Variants in ARHGAP18 observed in about 807,000 individuals in gnomAD.
ARHGAP18 encodes the protein Rho GTPase activating protein 18.
In ARHGAP18, 67 loss-of-function variants were observed where a neutral mutation model predicts 86.2. The ratio of observed to expected loss-of-function variants is 0.78; its 90% CI spans 0.64 to 0.95. The LOEUF is 0.95. ARHGAP18 is among the 40% of genes least tolerant of loss of function. ARHGAP18 has a pLI of 0.00. For synonymous variants in ARHGAP18, 283 were observed against 280.4 expected, an observed-to-expected ratio of 1.01 and a Z score of -0.09; for missense variants, 691 against 780.4, an observed-to-expected ratio of 0.89 and a Z score of 1.37.
intron 10 of ARHGAP18, among the ~76,000 whole-genome samples, chr6:129,602,443 T>G (rs1220191423): frequency 1.3e-5 from 2 of 151,978 alleles, no homozygotes; most frequent in Non-Finnish European, 2.9e-5. Flanking sequence ...CCAAATATAC[T>G]ATACTAAAAT....
chr6:129,678,778 A>G (rs1409747001), intron 1 of ARHGAP18, among the ~76,000 whole-genome samples: 5 of 152,238 alleles, frequency 3.3e-5, no homozygotes, highest in Non-Finnish European at 7.3e-5. Context: ...TAAGATTTAC[A>G]TGTATTCATT....
intron 8 of ARHGAP18, among the ~76,000 whole-genome samples, chr6:129,611,211 G>A (rs1275556153): frequency 3.3e-5 from 5 of 152,060 alleles, no homozygotes; most frequent in African/African-American, 1.2e-4. Flanking sequence ...CCTGACTTCC[G>A]TAAACTCAAT....
intron 7 of ARHGAP18, among the ~76,000 whole-genome samples, chr6:129,612,687 G>A (rs1261820536): frequency 6.6e-6 from 1 of 152,188 alleles, no homozygotes; most frequent in Non-Finnish European, 1.5e-5. Flanking sequence ...CATCATAAAT[G>A]AGGTATTTTG....
chr6:129,695,594 C>A (rs970384523), intron 1 of ARHGAP18, among the ~76,000 whole-genome samples: 2 of 152,202 alleles, frequency 1.3e-5, no homozygotes, highest in South Asian at 2.1e-4. Context: ...GGAGATGACA[C>A]AATTTTCAAT....
rs1734447967 is a variant in ARHGAP18, at chr6:129,625,951, T to A, written c.786+3402A>T. On this transcript the variant is annotated intron_variant, in intron 5 of 14. Coordinates refer to ENST00000368149, the MANE Select transcript of ARHGAP18 (RefSeq NM_033515.3). ...TTATATATTATATATTATATATTTA[T>A]ATATTATATATTTATATATTATATA... 1.5e-4 allele frequency among the ~76,000 whole-genome samples: 4 copies of A among 27,226 alleles called. No homozygotes were observed. The South Asian group carries it at 3.0e-3, about 21-fold the overall frequency. The allele number at this position is 27,226 out of a possible 152,430, so 17.9% of individuals were successfully genotyped here. A position where few individuals can be genotyped will look rare whatever the true frequency, so the allele number is the denominator to read the frequency against.
chr6:129,685,611 T>C (rs1207904764), intron 1 of ARHGAP18, among the ~76,000 whole-genome samples: 2 of 152,236 alleles, frequency 1.3e-5, no homozygotes, highest in Admixed American at 6.5e-5. Flanking sequence ...AGGTTATTGT[T>C]ACATATTTTT....
chr6:129,606,129 C>G (rs1788849389), intron 9 of ARHGAP18, among the ~76,000 whole-genome samples, 170 bp from the exon 10 acceptor site: 1 of 152,172 alleles, frequency 6.6e-6, no homozygotes, highest in Non-Finnish European at 1.5e-5. Flanking sequence ...GGGAGATCAG[C>G]AGAAGCAGCT....
intron 1 of ARHGAP18, among the ~76,000 whole-genome samples, chr6:129,701,561 G>A (rs1398935234): frequency 6.6e-6 from 1 of 152,196 alleles, no homozygotes; most frequent in Non-Finnish European, 1.5e-5. Flanking sequence ...CGTGAGGTCA[G>A]GAGTTCGAGA....
At chr6:129,613,537 A>T (rs1186471524) in intron 7 of ARHGAP18, among the ~76,000 whole-genome samples, 3 of 152,226 alleles carry the variant, frequency 2.0e-5, no homozygotes, top group African/African-American at 4.8e-5. Flanking sequence ...TTTCACTTTC[A>T]TTAAGTACAC....
intron 1 of ARHGAP18, among the ~76,000 whole-genome samples, chr6:129,654,308 C>A (rs1043553858): frequency 1.3e-5 from 2 of 152,146 alleles, no homozygotes; most frequent in African/African-American, 4.8e-5. Context: ...ACAATATGGG[C>A]ATACTGAGCT....
chr6:129,627,442 T>C (rs1231568897), intron 5 of ARHGAP18, among the ~76,000 whole-genome samples: 1 of 152,014 alleles, frequency 6.6e-6, no homozygotes, highest in Non-Finnish European at 1.5e-5. Context: ...ATCACATATC[T>C]GACGTAGTCT....
intron 8 of ARHGAP18, among the ~76,000 whole-genome samples, chr6:129,610,765 T>C (rs1240752326): frequency 4.6e-5 from 7 of 152,228 alleles, no homozygotes; most frequent in Admixed American, 1.3e-4. Context: ...GTAGCTGGGA[T>C]TACAGGTGCC....
chr6:129,657,445 A>G (rs1773862991), intron 1 of ARHGAP18, among the ~76,000 whole-genome samples: 1 of 151,540 alleles, frequency 6.6e-6, no homozygotes, highest in African/African-American at 2.4e-5. Flanking sequence ...AAAAAAAAAA[A>G]CAACTTAATA....
rs143726468 is a variant in ARHGAP18, at chr6:129,683,788, A to T, written c.113+26236T>A. Among the ~76,000 whole-genome samples, 305 of 152,348 alleles carry T rather than the reference A, an allele frequency of 2.0e-3. 1 individual carries two copies. The highest frequency in any genetic ancestry group is 0.01 in the Middle Eastern group (3 of 294). Reference sequence around the variant, plus strand: ...TATCTCTGCCTTGCACAAAGTGGATATGGTGAATGAGAACACCATCAAGAA... The same window carrying T: ...TATCTCTGCCTTGCACAAAGTGGATTTGGTGAATGAGAACACCATCAAGAA... On this transcript the variant is annotated intron_variant, in intron 1 of 14. Coordinates refer to ENST00000368149, the MANE Select transcript of ARHGAP18 (RefSeq NM_033515.3).
Position 129,634,076 on chromosome 6 carries a change from A to G in ARHGAP18, c.582T>C (p.Leu194=). 1.2e-6 allele frequency: 2 copies of G among 1,613,878 alleles called. No homozygotes were observed. Among genetic ancestry groups the G allele is most frequent in the Non-Finnish European group, 1.7e-6 (2 of 1,179,906 alleles). ...CTTGGTATTTGTTTTCATTTGTTCT[A>G]AGTGACTGCGATTCAGTGCCACCTG... ...TAPGGTESQS[L]RTNENKYQGR... Residue 194 remains leucine, a synonymous_variant, in exon 4 of 15, where the codon CTT becomes CTC. Transcript: ENST00000368149.
chr6:129,663,837 A>G lies in ARHGAP18; in HGVS notation c.114-21819T>C, dbSNP rs528288137. ...CCACACGTACTGAAATCTCCTTTGGAAAGAGCTGTTCATACTAAGATTTTA... is the reference window on the plus strand; with the variant it reads ...CCACACGTACTGAAATCTCCTTTGGGAAGAGCTGTTCATACTAAGATTTTA... On this transcript the variant is annotated intron_variant, in intron 1 of 14. Transcript: ENST00000368149. Among the ~76,000 whole-genome samples the G allele has an allele frequency of 1.4e-4, 21 of 152,400 alleles. No homozygotes were observed. The East Asian group carries it at 2.7e-3, about 20-fold the overall frequency.
chr6:129,690,487 A>T (rs928134377), intron 1 of ARHGAP18, among the ~76,000 whole-genome samples: 2 of 152,168 alleles, frequency 1.3e-5, no homozygotes, highest in African/African-American at 4.8e-5. Context: ...TCAGAGACTA[A>T]AGAGAGTTGA....
At chr6:129,635,757 T>C (rs1380714729) in intron 3 of ARHGAP18, among the ~76,000 whole-genome samples, 1 of 152,206 alleles carries the variant, frequency 6.6e-6, no homozygotes, top group Non-Finnish European at 1.5e-5. Context: ...ATGGGGGAGA[T>C]AAAGCACTTT....
intron 3 of ARHGAP18, among the ~76,000 whole-genome samples, chr6:129,635,305 G>A (rs902707845): frequency 2.0e-5 from 3 of 152,166 alleles, no homozygotes; most frequent in Non-Finnish European, 4.4e-5. Context: ...TCTAAAAAGA[G>A]CCTAGAAAAG....
Sources: gnomAD v4.1 joint callset for allele counts (sites outside exome capture counted in the v4.1 genomes callset) on GRCh38, gnomAD v4.1.1 for gene constraint, MANE v1.5 for transcripts, NCBI Gene and HGNC (gene_info 2026-07-23, HGNC 2026-07-21) for gene names.